Variants in PPP4R3A observed in about 807,000 individuals in gnomAD.
The protein encoded by PPP4R3A is serine/threonine-protein phosphatase 4 regulatory subunit 3A.
PPP4R3A carries 15 observed loss-of-function variants against 91.7 expected under a neutral mutation model. The observed-to-expected ratio is 0.16, with a 90% CI of 0.11 to 0.25. The LOEUF is 0.25. Ranked by LOEUF, PPP4R3A falls within the 10% of genes least tolerant of loss-of-function variation. The pLI, the probability that PPP4R3A is intolerant of heterozygous loss-of-function variation, is 1.00. For synonymous variants in PPP4R3A, 377 were observed against 348.7 expected (o/e 1.08, Z -0.91); for missense variants, 623 against 998.4 (o/e 0.62, Z 5.07).
intron 1 of PPP4R3A, among the ~76,000 whole-genome samples, chr14:91,505,948 ATTTTT>A (rs5810541): frequency 1.6e-3 from 232 of 148,534 alleles, no homozygotes; most frequent in African/African-American, 5.6e-3. Context: ...TATAATTGAA[ATTTTT>A]TTTTTTTTTG....
intron 1 of PPP4R3A, among the ~76,000 whole-genome samples, chr14:91,507,245 C>T (rs867242836): frequency 6.6e-6 from 1 of 150,590 alleles, no homozygotes; most frequent in Non-Finnish European, 1.5e-5. Flanking sequence ...TGCTTGAACT[C>T]AGGAGATGGA....
intron 1 of PPP4R3A, 39 bp from the exon 2 acceptor site, chr14:91,490,841 A>G: frequency 7.2e-7 from 1 of 1,394,994 alleles, no homozygotes; most frequent in Non-Finnish European, 1.0e-6. Context: ...TGTTACTGTA[A>G]AACAGCAAAA....
intron 1 of PPP4R3A, among the ~76,000 whole-genome samples, chr14:91,504,313 G>A (rs555905562): frequency 6.9e-6 from 1 of 144,256 alleles, no homozygotes; most frequent in African/African-American, 2.6e-5. Flanking sequence ...GGGCAACAGA[G>A]CTCTTAAAAA....
chr14:91,486,920 A>AATAAAT (rs1555436583), intron 2 of PPP4R3A, among the ~76,000 whole-genome samples: 3 of 147,164 alleles, frequency 2.0e-5, no homozygotes, highest in Non-Finnish European at 4.5e-5. Flanking sequence ...AAAAAAAAAA[A>AATAAAT]AAAATAGAGA....
At chr14:91,458,893 AAAG>A (rs773990411) in intron 14 of PPP4R3A, 24 bp from the exon 15 acceptor site, 1 of 1,561,808 alleles carries the variant, frequency 6.4e-7, no homozygotes, top group Admixed American at 2.0e-5. Context: ...AGGATTATTT[AAAG>A]AACAGAAAAT....
At chr14:91,510,468 A>C (rs957376818), upstream of PPP4R3A, 1 of 152,312 alleles carries the variant, frequency 6.6e-6, no homozygotes, top group Non-Finnish European at 1.5e-5. Context: ...GGAGCGGAGG[A>C]GGCGGGACGC....
chr14:91,486,107 C>T (rs184451766), intron 2 of PPP4R3A, among the ~76,000 whole-genome samples: 10 of 152,290 alleles, frequency 6.6e-5, no homozygotes, highest in African/African-American at 1.9e-4. Context: ...CATGTTAGGA[C>T]GATAGGGTTA....
chr14:91,509,183 C>A (rs976156430), intron 1 of PPP4R3A, among the ~76,000 whole-genome samples: 1 of 152,206 alleles, frequency 6.6e-6, no homozygotes, highest in African/African-American at 2.4e-5. Flanking sequence ...CAAGGTCACT[C>A]TAGTGCAAAA....
At chr14:91,499,339 G>A (rs906466699) in intron 1 of PPP4R3A, among the ~76,000 whole-genome samples, 9 of 151,980 alleles carry the variant, frequency 5.9e-5, no homozygotes, top group African/African-American at 1.7e-4. Flanking sequence ...AAAAAAGTTC[G>A]AGGAATGCTA....
chr14:91,458,469 T>A lies in PPP4R3A; in HGVS notation c.*290A>T, dbSNP rs1887906565. ...TGACCAGTCAATCCAGAGTTCCACT[T>A]ACAAAACCCCTGCCCTGTTGGCTTT... On this transcript the variant is annotated 3_prime_UTR_variant, in exon 15 of 15. Coordinates refer to ENST00000554943, the MANE Select transcript of PPP4R3A (RefSeq NM_001366432.2). 1 of 437,568 alleles carries A rather than the reference T, an allele frequency of 2.3e-6. No homozygotes were observed. The highest frequency in any genetic ancestry group is 4.3e-6 in the Non-Finnish European group (1 of 235,188). The allele number at this position is 437,568 out of a possible 1,614,324, so 27.1% of individuals were successfully genotyped here. A position where few individuals can be genotyped will look rare whatever the true frequency, so the allele number is the denominator to read the frequency against.
chr14:91,497,463 C>T (rs1289803587), intron 1 of PPP4R3A, among the ~76,000 whole-genome samples: 1 of 151,818 alleles, frequency 6.6e-6, no homozygotes, highest in Non-Finnish European at 1.5e-5. Context: ...AAGAAAACTC[C>T]AATATTGAGA....
intron 10 of PPP4R3A, 53 bp from the exon 11 acceptor site, chr14:91,465,472 A>C (rs1439459276): frequency 2.8e-6 from 4 of 1,427,822 alleles, no homozygotes; most frequent in Non-Finnish European, 2.8e-6. Context: ...TCCATACTTT[A>C]GACTTACCAA....
At chr14:91,482,639 T>C (rs1464309534) in intron 3 of PPP4R3A, among the ~76,000 whole-genome samples, 1 of 152,156 alleles carries the variant, frequency 6.6e-6, no homozygotes, top group Non-Finnish European at 1.5e-5. Flanking sequence ...AATATTTAAC[T>C]CTGAGGTGAA....
intron 3 of PPP4R3A, among the ~76,000 whole-genome samples, chr14:91,483,416 G>A (rs1328499088): frequency 6.6e-6 from 1 of 152,210 alleles, no homozygotes; most frequent in Non-Finnish European, 1.5e-5. Flanking sequence ...AAGGAGGCAA[G>A]TCACATTCAT....
chr14:91,476,531 T>A lies in PPP4R3A; in HGVS notation c.994-7A>T. On this transcript the variant is annotated splice_region_variant and splice_polypyrimidine_tract_variant and intron_variant, in intron 5 of 14. Transcript: ENST00000554943. ...ATTCTTTTAAAAAGTTAACCTGAAATTAGAAAAAAGGATAAGTGATATAAA... is the reference window on the plus strand; with the variant it reads ...ATTCTTTTAAAAAGTTAACCTGAAAATAGAAAAAAGGATAAGTGATATAAA... The A allele has an allele frequency of 6.5e-7, 1 of 1,536,468 alleles. No homozygotes were observed.
At chr14:91,471,259 T>C (rs1044013699) in intron 9 of PPP4R3A, among the ~76,000 whole-genome samples, 9 of 152,320 alleles carry the variant, frequency 5.9e-5, no homozygotes, top group African/African-American at 2.2e-4. Context: ...TTGGAAAAGT[T>C]AGTAAGGCAG....
chr14:91,491,215 T>G (rs1393589891), intron 1 of PPP4R3A, among the ~76,000 whole-genome samples: 1 of 151,618 alleles, frequency 6.6e-6, no homozygotes, highest in African/African-American at 2.4e-5. Flanking sequence ...CCTCAAAAAA[T>G]ATTTTTAAAT....
At chr14:91,485,578 C>T (rs1806798663) in intron 3 of PPP4R3A, 54 bp downstream of exon 3, 3 of 1,303,612 alleles carry the variant, frequency 2.3e-6, no homozygotes, top group Non-Finnish European at 3.2e-6. Context: ...GAAAGCATGG[C>T]AAAAAACTAA....
chr14:91,501,780 C>G (rs1051408599), intron 1 of PPP4R3A, among the ~76,000 whole-genome samples: 1 of 150,918 alleles, frequency 6.6e-6, no homozygotes, highest in Non-Finnish European at 1.5e-5. Flanking sequence ...TCTTGGCTCA[C>G]TGCAAGCTCC....
Sources: gnomAD v4.1 joint callset for allele counts (sites outside exome capture counted in the v4.1 genomes callset) on GRCh38, gnomAD v4.1.1 for gene constraint, MANE v1.5 for transcripts, NCBI Gene and HGNC (gene_info 2026-07-23, HGNC 2026-07-21) for gene names.